PDHX: variants seen among roughly 807,000 people sequenced by gnomAD.
PDHX encodes the protein pyruvate dehydrogenase complex component X.
In PDHX, 33 loss-of-function variants were observed where a neutral mutation model predicts 55.3. That is an observed-to-expected ratio of 0.60 (90% CI 0.45 to 0.80). The LOEUF (loss-of-function observed/expected upper bound fraction) is 0.80. Among genes scored for constraint, PDHX ranks in the 30% least tolerant of loss-of-function variants. PDHX has a pLI of 0.00. For synonymous variants in PDHX, 226 were observed against 219.4 expected (o/e 1.03, Z -0.27); for missense variants, 622 against 619.9 (o/e 1.00, Z -0.04).
At chr11:34,956,555 G>A (rs1385996111) in intron 3 of PDHX, among the ~76,000 whole-genome samples, 1 of 152,038 alleles carries the variant, frequency 6.6e-6, no homozygotes. Flanking sequence ...TTATTTGAAG[G>A]TTTTCTAGGG....
intron 1 of PDHX, among the ~76,000 whole-genome samples, chr11:34,917,886 T>G (rs193024894): frequency 1.3e-5 from 2 of 152,320 alleles, no homozygotes; most frequent in Admixed American, 6.5e-5. Flanking sequence ...TTTTTCCAGC[T>G]CCTAGAGATT....
In PDHX at chr11:34,947,478, A is replaced by G. The variant is rs1854648633; in HGVS notation, c.242-28A>G. 3 of 1,506,510 alleles carry G rather than the reference A, an allele frequency of 2.0e-6. No homozygotes were observed. The African/African-American group carries it at 4.1e-5, about 21-fold the overall frequency. 93.3% of individuals were successfully genotyped at this position (1,506,510 alleles called of 1,614,324 possible). A position where few individuals can be genotyped will look rare whatever the true frequency, so the allele number is the denominator to read the frequency against. ...CATAGTAATATTTATATTTTAAAAAACAAAACAAACCCAGTCTTGTTTTGT... is the reference window on the plus strand; with the variant it reads ...CATAGTAATATTTATATTTTAAAAAGCAAAACAAACCCAGTCTTGTTTTGT... On this transcript the variant is annotated intron_variant, in intron 2 of 10. Transcript: ENST00000227868.
intron 8 of PDHX, among the ~76,000 whole-genome samples, chr11:34,982,744 A>G (rs1855546193): frequency 6.6e-6 from 1 of 152,210 alleles, no homozygotes; most frequent in Non-Finnish European, 1.5e-5. Context: ...ATCTCTGAAT[A>G]AACCAATAAC....
chr11:34,949,075 T>A (rs554503382), intron 3 of PDHX, among the ~76,000 whole-genome samples: 2 of 152,184 alleles, frequency 1.3e-5, no homozygotes, highest in Admixed American at 1.3e-4. Context: ...GATAGTGGCT[T>A]TGGTGGCACA....
At chr11:34,968,073 C>G (rs1176876242) in intron 6 of PDHX, among the ~76,000 whole-genome samples, 2 of 151,968 alleles carry the variant, frequency 1.3e-5, no homozygotes, top group African/African-American at 4.8e-5. Flanking sequence ...CATTCAAAGA[C>G]CAGCCTGGGC....
At chr11:34,944,078 T>TTC (rs1473890925) in intron 2 of PDHX, among the ~76,000 whole-genome samples, 1 of 81,396 alleles carries the variant, frequency 1.2e-5, no homozygotes, top group Non-Finnish European at 3.1e-5. Context: ...ATAATACAAA[T>TTC]ATGTGTGTGT....
chr11:34,958,801 C>A (rs749335878), intron 4 of PDHX, among the ~76,000 whole-genome samples: 1 of 152,096 alleles, frequency 6.6e-6, no homozygotes, highest in Non-Finnish European at 1.5e-5. Context: ...ATCAGAGACT[C>A]GCATGAATCA....
chr11:34,977,729 C>T (rs1373005439), intron 7 of PDHX: 6 of 456,142 alleles, frequency 1.3e-5, no homozygotes, highest in East Asian at 6.9e-5. Flanking sequence ...TTGAAAAGAA[C>T]GAGGAAGAAA....
At chr11:34,961,707 A>G (rs1343586787) in intron 5 of PDHX, among the ~76,000 whole-genome samples, 1 of 152,156 alleles carries the variant, frequency 6.6e-6, no homozygotes, top group African/African-American at 2.4e-5. Context: ...ATCCTCATTT[A>G]TGTGTATTAC....
intron 2 of PDHX, among the ~76,000 whole-genome samples, chr11:34,946,116 C>G (rs141050709): frequency 1.3e-5 from 2 of 152,078 alleles, no homozygotes; most frequent in African/African-American, 4.8e-5. Context: ...ATCTTTTTGT[C>G]TGCCTGTATG....
intron 1 of PDHX, among the ~76,000 whole-genome samples, chr11:34,917,154 T>A (rs750122903): frequency 6.6e-6 from 1 of 152,156 alleles, no homozygotes; most frequent in Non-Finnish European, 1.5e-5. Context: ...TTTAGGGTTG[T>A]CAAACGTCTC....
Position 34,967,993 on chromosome 11 carries a change from G to C in PDHX, c.816+1179G>C, listed in dbSNP as rs572456236. Among the ~76,000 whole-genome samples the C allele has an allele frequency of 2.6e-5, 4 of 152,162 alleles. No individual in the cohort carries two copies. The East Asian group carries it at 5.8e-4, about 22-fold the overall frequency. ...TTTAAAAGTAGGTTATTCAAGGCTG[G>C]GTGTGGTGGCTTACACCTGTAATCC... On this transcript the variant is annotated intron_variant, in intron 6 of 10. Coordinates refer to ENST00000227868, the MANE Select transcript of PDHX (RefSeq NM_003477.3).
At chr11:34,945,105 C>T (rs1854590899) in intron 2 of PDHX, among the ~76,000 whole-genome samples, 1 of 151,950 alleles carries the variant, frequency 6.6e-6, no homozygotes, top group Admixed American at 6.6e-5. Context: ...GTATTTTTCT[C>T]CTATTATAAG....
At chr11:34,926,170 A>G (rs1227263451) in intron 1 of PDHX, among the ~76,000 whole-genome samples, 1 of 148,576 alleles carries the variant, frequency 6.7e-6, no homozygotes, top group Non-Finnish European at 1.5e-5. Context: ...CCTTTAAAAC[A>G]AAAAATACTA....
At chr11:34,970,334 T>A in intron 7 of PDHX, 48 bp downstream of exon 7, 1 of 1,407,822 alleles carries the variant, frequency 7.1e-7, no homozygotes, top group Non-Finnish European at 1.0e-6. Flanking sequence ...CTAACTTAAC[T>A]TTCATGAAAT....
At chr11:34,948,924 A>C (rs1854687572) in intron 3 of PDHX, among the ~76,000 whole-genome samples, 1 of 152,172 alleles carries the variant, frequency 6.6e-6, no homozygotes, top group South Asian at 2.1e-4. Flanking sequence ...GGCTGTGGAA[A>C]TCTTCCAGAA....
chr11:34,957,261 T>C, intron 3 of PDHX, 123 bp from the exon 4 acceptor site: 2 of 748,792 alleles, frequency 2.7e-6, no homozygotes, highest in Non-Finnish European at 2.3e-6. Context: ...GCAAACTGTC[T>C]TGGAAGCAGC....
intron 7 of PDHX, among the ~76,000 whole-genome samples, chr11:34,976,471 G>GC (rs1011850145): frequency 2.6e-5 from 4 of 152,152 alleles, no homozygotes; most frequent in Admixed American, 6.6e-5. Flanking sequence ...TGTAAGCGAT[G>GC]CAAGTAGAAA....
At chr11:34,985,617 G>A (rs1855623910) in intron 9 of PDHX, among the ~76,000 whole-genome samples, 1 of 152,042 alleles carries the variant, frequency 6.6e-6, no homozygotes, top group Admixed American at 6.6e-5. Context: ...AATTTCCAAG[G>A]GTATTTTTTG....
Sources: gnomAD v4.1 joint callset for allele counts (sites outside exome capture counted in the v4.1 genomes callset) on GRCh38, gnomAD v4.1.1 for gene constraint, MANE v1.5 for transcripts, NCBI Gene and HGNC (gene_info 2026-07-23, HGNC 2026-07-21) for gene names.